Variants in PLXNA4 observed in about 807,000 individuals in gnomAD.
The protein encoded by PLXNA4 is plexin A4.
PLXNA4 carries 44 observed loss-of-function variants against 191.8 expected under a neutral mutation model. The observed-to-expected ratio is 0.23, with a 90% CI of 0.18 to 0.29. PLXNA4 has a LOEUF of 0.29. Ranked by LOEUF, PLXNA4 falls within the 10% of genes least tolerant of loss-of-function variation. The probability of loss-of-function intolerance (pLI) is 1.00; values close to 1 mark genes in which losing one functional copy is unlikely to be tolerated. For missense variants in PLXNA4, 1,800 were observed against 2,488.8 expected, an observed-to-expected ratio of 0.72 and a Z score of 5.89; for synonymous variants, 1,082 against 1,009.5, an observed-to-expected ratio of 1.07 and a Z score of -1.36.
chr7:132,147,295 A>G (rs1795463509), intron 27 of PLXNA4, among the ~76,000 whole-genome samples: 1 of 152,212 alleles, frequency 6.6e-6, no homozygotes, highest in African/African-American at 2.4e-5. Flanking sequence ...GTATTCATCT[A>G]TTGATTATCT....
chr7:132,168,283 T>C, intron 22 of PLXNA4, 21 bp downstream of exon 22: 1 of 1,504,570 alleles, frequency 6.6e-7, no homozygotes, highest in Non-Finnish European at 8.9e-7. Flanking sequence ...TGGAGCAGGG[T>C]GCCCCAGACT....
chr7:132,442,296 G>A (rs1281244783), intron 3 of PLXNA4, among the ~76,000 whole-genome samples: 1 of 152,148 alleles, frequency 6.6e-6, no homozygotes, highest in African/African-American at 2.4e-5. Flanking sequence ...CAAAAGCTGG[G>A]ATAAGCCTGT....
intron 3 of PLXNA4, among the ~76,000 whole-genome samples, chr7:132,422,971 A>C (rs1028603985): frequency 1.3e-5 from 2 of 152,226 alleles, no homozygotes; most frequent in Non-Finnish European, 2.9e-5. Context: ...CCACCTCATC[A>C]GAGGCAGAGA....
At chr7:132,389,085 T>A (rs1033287895) in intron 3 of PLXNA4, among the ~76,000 whole-genome samples, 1 of 152,238 alleles carries the variant, frequency 6.6e-6, no homozygotes, top group Non-Finnish European at 1.5e-5. Flanking sequence ...AAGTATCTGT[T>A]CATATCCTTT....
chr7:132,456,722 C>T (rs1275771277), intron 3 of PLXNA4, among the ~76,000 whole-genome samples: 1 of 149,940 alleles, frequency 6.7e-6, no homozygotes, highest in Non-Finnish European at 1.5e-5. Flanking sequence ...GGGAGGAGGG[C>T]TGGGGAGGAG....
chr7:132,596,718 GGAA>G (rs1802716385), intron 2 of PLXNA4, among the ~76,000 whole-genome samples: 1 of 152,068 alleles, frequency 6.6e-6, no homozygotes, highest in South Asian at 2.1e-4. Context: ...TTTAGGGGTA[GGAA>G]GAAGGAGGTC....
chr7:132,505,397 C>A (rs538538180), intron 2 of PLXNA4, among the ~76,000 whole-genome samples: 1 of 152,126 alleles, frequency 6.6e-6, no homozygotes, highest in East Asian at 1.9e-4. Flanking sequence ...CCAAGAGCAT[C>A]GCCCAAAAAG....
intron 3 of PLXNA4, among the ~76,000 whole-genome samples, chr7:132,430,016 C>A (rs548482521): frequency 6.6e-6 from 1 of 152,138 alleles, no homozygotes; most frequent in Non-Finnish European, 1.5e-5. Context: ...AGAGGAATTG[C>A]GTCTCAATCT....
At chr7:132,194,240 C>A in intron 13 of PLXNA4, 61 bp from the exon 14 acceptor site, 1 of 1,550,482 alleles carries the variant, frequency 6.4e-7, no homozygotes, top group Non-Finnish European at 8.8e-7. Context: ...ACCCTGCACC[C>A]CACAGCACCT....
intron 3 of PLXNA4, among the ~76,000 whole-genome samples, chr7:132,396,784 G>C (rs981872540): frequency 1.3e-5 from 2 of 152,242 alleles, no homozygotes; most frequent in African/African-American, 4.8e-5. Flanking sequence ...GAGCCACCGC[G>C]CCTGGCCAGC....
At position 132,137,585 on chromosome 7, in the gene PLXNA4, G is replaced by T. The variant is rs73155245; in HGVS notation, c.5438+3014C>A. 9.2e-5 allele frequency among the ~76,000 whole-genome samples: 14 copies of T among 152,190 alleles called. 1 individual carries two copies. Among genetic ancestry groups the T allele is most frequent in the African/African-American group, 3.4e-4 (14 of 41,532 alleles). ...GACTCTTCTCCCTTTTTCCAGATTC[G>T]GCCATAAGCAAAAGCTTAAATTCTT... On this transcript the variant is annotated intron_variant, in intron 30 of 31. Transcript: ENST00000321063.
At chr7:132,454,395 G>C (rs985379497) in intron 3 of PLXNA4, among the ~76,000 whole-genome samples, 1 of 152,098 alleles carries the variant, frequency 6.6e-6, no homozygotes, top group Non-Finnish European at 1.5e-5. Context: ...AAAGCCAAAA[G>C]CTGACTTATC....
At chr7:132,239,280 G>A (rs187124168) in intron 5 of PLXNA4, among the ~76,000 whole-genome samples, 211 of 152,290 alleles carry the variant, frequency 1.4e-3, no homozygotes, top group Non-Finnish European at 2.3e-3. Context: ...AGCCCTGGGG[G>A]TGGGAGGTGG....
At chr7:132,175,629 C>G (rs1331176005) in intron 20 of PLXNA4, among the ~76,000 whole-genome samples, 1 of 152,158 alleles carries the variant, frequency 6.6e-6, no homozygotes, top group Non-Finnish European at 1.5e-5. Context: ...GTGGCAAGAA[C>G]CCCCAGGAAA....
At chr7:132,342,872 G>C (rs554790962) in intron 3 of PLXNA4, among the ~76,000 whole-genome samples, 1 of 150,300 alleles carries the variant, frequency 6.7e-6, no homozygotes, top group Non-Finnish European at 1.5e-5. Context: ...GTTTGAATCC[G>C]GGAGGTGGAG....
rs1389336309 is a variant in PLXNA4, at chr7:132,564,135, CCTT to C, written c.-87+12284_-87+12286del. ...TCCTCCTCCTCTTCTTTCTCCTCCTCCTTCTCCTCCTCCTCCTTCTCCTCCTCC... is the reference window on the plus strand; with the variant it reads ...TCCTCCTCCTCTTCTTTCTCCTCCTCCTCCTCCTCCTCCTTCTCCTCCTCC... On this transcript the variant is annotated intron_variant, in intron 1 of 31. Transcript: ENST00000321063. 2.1e-4 allele frequency among the ~76,000 whole-genome samples: 28 copies of C among 136,096 alleles called. 1 individual carries two copies. Among genetic ancestry groups the C allele is most frequent in the African/African-American group, 7.9e-4 (27 of 34,146 alleles). 89.3% of individuals were successfully genotyped at this position (136,096 alleles called of 152,430 possible). A position where few individuals can be genotyped will look rare whatever the true frequency, so the allele number is the denominator to read the frequency against.
intron 2 of PLXNA4, among the ~76,000 whole-genome samples, chr7:132,618,273 C>G (rs1056569025): frequency 2.6e-5 from 4 of 152,188 alleles, no homozygotes; most frequent in African/African-American, 7.2e-5. Context: ...TTCCTCCTAC[C>G]TCACCATGGC....
chr7:132,444,061 A>G (rs1335073439), intron 3 of PLXNA4, among the ~76,000 whole-genome samples: 1 of 152,236 alleles, frequency 6.6e-6, no homozygotes, highest in Non-Finnish European at 1.5e-5. Flanking sequence ...AAACCTGCAG[A>G]CCAACTTAAG....
At chr7:132,441,084 T>C (rs1481064448) in intron 3 of PLXNA4, among the ~76,000 whole-genome samples, 1 of 152,218 alleles carries the variant, frequency 6.6e-6, no homozygotes, top group Non-Finnish European at 1.5e-5. Flanking sequence ...TCAAATATAA[T>C]ATAGGAACAG....
Sources: allele counts gnomAD v4.1 joint callset (sites outside exome capture counted in the v4.1 genomes callset), GRCh38; gene constraint gnomAD v4.1.1; transcripts MANE v1.5; gene names NCBI Gene and HGNC (gene_info 2026-07-23, HGNC 2026-07-21).